Variants in PLCXD3 observed in about 807,000 individuals in gnomAD.
PLCXD3 encodes the protein phosphatidylinositol specific phospholipase C X domain containing 3.
A neutral mutation model predicts 25.5 loss-of-function variants in PLCXD3; 19 were observed. The observed-to-expected ratio is 0.75, with a 90% confidence interval of 0.52 to 1.09. The LOEUF (loss-of-function observed/expected upper bound fraction) is 1.09. Among genes scored for constraint, PLCXD3 ranks in the 50% least tolerant of loss-of-function variants. The pLI is 0.00. For missense variants in PLCXD3, 411 were observed against 388.1 expected, an observed-to-expected ratio of 1.06 and a Z score of -0.50; for synonymous variants, 174 against 137.6, an observed-to-expected ratio of 1.26 and a Z score of -1.85.
chr5:41,332,141 T>A (rs1743834813), intron 2 of PLCXD3, among the ~76,000 whole-genome samples: 1 of 151,900 alleles, frequency 6.6e-6, no homozygotes, highest in African/African-American at 2.4e-5. Flanking sequence ...GAAACTACCA[T>A]CAGAGTGAAC....
intron 1 of PLCXD3, among the ~76,000 whole-genome samples, chr5:41,491,419 A>T (rs978475984): frequency 6.6e-6 from 1 of 152,084 alleles, no homozygotes; most frequent in Non-Finnish European, 1.5e-5. Flanking sequence ...TGTTGATTTG[A>T]GGTGGAGAGT....
intron 2 of PLCXD3, among the ~76,000 whole-genome samples, chr5:41,357,432 G>C (rs1744650799): frequency 6.6e-6 from 1 of 152,186 alleles, no homozygotes; most frequent in South Asian, 2.1e-4. Context: ...CTCAGTTTCT[G>C]TTTGGAATAT....
chr5:41,327,722 T>C (rs1351448818), intron 2 of PLCXD3, among the ~76,000 whole-genome samples: 2 of 152,216 alleles, frequency 1.3e-5, no homozygotes, highest in Non-Finnish European at 2.9e-5. Context: ...TGGTCTACTT[T>C]AGTATAGAAG....
At chr5:41,468,055 T>C (rs1412464403) in intron 1 of PLCXD3, among the ~76,000 whole-genome samples, 2 of 112,844 alleles carry the variant, frequency 1.8e-5, no homozygotes, top group African/African-American at 6.9e-5. Context: ...GTTTTACTTG[T>C]CACCCAGGCT....
chr5:41,407,461 G>A (rs1258064691), intron 1 of PLCXD3, among the ~76,000 whole-genome samples: 1 of 152,120 alleles, frequency 6.6e-6, no homozygotes, highest in Non-Finnish European at 1.5e-5. Flanking sequence ...TGCTTACTGT[G>A]TTGATTAAAC....
chr5:41,418,115 AAT>A (rs1417703920), intron 1 of PLCXD3, among the ~76,000 whole-genome samples: 1 of 152,140 alleles, frequency 6.6e-6, no homozygotes, highest in Non-Finnish European at 1.5e-5. Context: ...TTCAAACTGC[AAT>A]ATATAGGTAT....
intron 2 of PLCXD3, among the ~76,000 whole-genome samples, chr5:41,323,484 T>C (rs901156255): frequency 2.0e-5 from 3 of 152,142 alleles, no homozygotes; most frequent in African/African-American, 7.2e-5. Context: ...CCCATAAATA[T>C]ATACACCTAC....
In PLCXD3 at chr5:41,424,696, A is replaced by G. The variant is rs1012628029; in HGVS notation, c.104-42162T>C. On this transcript the variant is annotated intron_variant, in intron 1 of 2. Coordinates refer to ENST00000377801, the MANE Select transcript of PLCXD3 (RefSeq NM_001005473.3). ...ATTTTTATTTTTCTGTATTTTATTT[A>G]TTCTATTTTTTCACATTATAAATAA... Among the ~76,000 whole-genome samples the G allele has an allele frequency of 2.0e-5, 3 of 152,064 alleles. No homozygotes were observed. In the East Asian group the frequency reaches 5.8e-4, roughly 29 times the overall value.
chr5:41,500,304 G>A (rs530622298), intron 1 of PLCXD3, among the ~76,000 whole-genome samples: 10 of 151,742 alleles, frequency 6.6e-5, no homozygotes, highest in Non-Finnish European at 1.2e-4. Context: ...TCACATTATC[G>A]TAAGTGAAAC....
Position 41,510,464 on chromosome 5 carries a change from C to G in PLCXD3, c.63G>C (p.Glu21Asp). ...TGGTGAGGGGGATGCTGTGCATGCT[C>G]TCCGGCAGAGTTGCCATCCAGTCGG... ...KLADWMATLP[E>D]SMHSIPLTNL... The change falls in exon 1 of 3, where the codon GAG becomes GAC. Residue 21 changes from glutamate (E) to aspartate (D), a missense_variant. Transcript: ENST00000377801. 2 of 1,612,014 alleles carry G rather than the reference C, an allele frequency of 1.2e-6. No individual in the cohort carries two copies. The highest frequency in any genetic ancestry group is 1.7e-6 in the Non-Finnish European group (2 of 1,178,982).
intron 2 of PLCXD3, among the ~76,000 whole-genome samples, chr5:41,345,077 A>G (rs560219144): frequency 1.3e-5 from 2 of 152,212 alleles, no homozygotes; most frequent in Non-Finnish European, 2.9e-5. Flanking sequence ...CACAGTCAAA[A>G]TAGTCAGGAT....
At chr5:41,393,922 T>G (rs192320529) in intron 1 of PLCXD3, among the ~76,000 whole-genome samples, 72 of 151,608 alleles carry the variant, frequency 4.7e-4, no homozygotes, top group Admixed American at 2.7e-3. Flanking sequence ...AGAGTGAGAA[T>G]CCATCAAAAA....
chr5:41,316,193 T>C (rs7724627), intron 2 of PLCXD3, among the ~76,000 whole-genome samples: 10,359 of 152,068 alleles, frequency 0.068, 680 homozygotes, highest in East Asian at 0.36. Flanking sequence ...AGGGCACCAG[T>C]CAGAGTCATG....
At chr5:41,362,380 T>C (rs907090604) in intron 2 of PLCXD3, among the ~76,000 whole-genome samples, 6 of 152,320 alleles carry the variant, frequency 3.9e-5, no homozygotes, top group Non-Finnish European at 7.4e-5. Flanking sequence ...CTGCCACAGA[T>C]GCTGTGCAAG....
chr5:41,476,163 A>G (rs539583985), intron 1 of PLCXD3, among the ~76,000 whole-genome samples: 2 of 152,352 alleles, frequency 1.3e-5, no homozygotes, highest in South Asian at 4.1e-4. Flanking sequence ...AAGCTGAACC[A>G]TTGTAAGTTG....
intron 1 of PLCXD3, among the ~76,000 whole-genome samples, chr5:41,402,162 T>A (rs1039635338): frequency 2.0e-5 from 3 of 151,928 alleles, no homozygotes; most frequent in Non-Finnish European, 4.4e-5. Context: ...TTTAGCTTTT[T>A]AAGGCTGAAA....
At chr5:41,331,964 A>G (rs867194328) in intron 2 of PLCXD3, among the ~76,000 whole-genome samples, 10 of 152,216 alleles carry the variant, frequency 6.6e-5, no homozygotes, top group Non-Finnish European at 1.2e-4. Context: ...AAAGACTTAA[A>G]CGTTAGACCT....
intron 2 of PLCXD3, among the ~76,000 whole-genome samples, chr5:41,344,254 C>G (rs1340846246): frequency 6.6e-6 from 1 of 152,004 alleles, no homozygotes; most frequent in Admixed American, 6.5e-5. Flanking sequence ...CATATTTGGC[C>G]AGAAGATTAA....
intron 1 of PLCXD3, among the ~76,000 whole-genome samples, chr5:41,419,017 G>A (rs1398699451): frequency 2.0e-5 from 3 of 152,184 alleles, no homozygotes; most frequent in Non-Finnish European, 4.4e-5. Context: ...TGAGGCCACA[G>A]CCCTCGATTG....
Sources: gnomAD v4.1 joint callset for allele counts (sites outside exome capture counted in the v4.1 genomes callset) on GRCh38, gnomAD v4.1.1 for gene constraint, MANE v1.5 for transcripts, NCBI Gene and HGNC (gene_info 2026-07-23, HGNC 2026-07-21) for gene names.